MLLT10: variants seen among roughly 807,000 people sequenced by gnomAD.
MLLT10 encodes the protein protein AF-10.
A neutral mutation model predicts 129.1 loss-of-function variants in MLLT10; 30 were observed. That is an observed-to-expected ratio of 0.23 (90% CI 0.17 to 0.32). The LOEUF is 0.32. Ranked by LOEUF, MLLT10 falls within the 10% of genes least tolerant of loss-of-function variation. The pLI is 1.00. For missense variants in MLLT10, 1,119 were observed against 1,268.3 expected (o/e 0.88, Z 1.79); for synonymous variants, 490 against 446.4 (o/e 1.10, Z -1.23).
chr10:21,658,725 T>G (rs1033094130), intron 9 of MLLT10, among the ~76,000 whole-genome samples: 2 of 152,136 alleles, frequency 1.3e-5, no homozygotes, highest in Non-Finnish European at 2.9e-5. Flanking sequence ...AGTGCAGTGG[T>G]GCAATCTTGG....
rs750799982 is a variant in MLLT10 at position 21,651,658 on chromosome 10, T to TG, written c.700-15_700-14insG. 13 of 1,592,476 alleles carry TG rather than the reference T, an allele frequency of 8.2e-6. No homozygotes were observed. The East Asian group carries it at 2.9e-4, about 36-fold the overall frequency. ...AGTTAAATTAAAATTGGATTTTACT[T>TG]ATATTCGTTTTTAGAAATATAAAGA... is the stretch of plus-strand genomic sequence containing the variant. On this transcript the variant is annotated splice_polypyrimidine_tract_variant and intron_variant, in intron 8 of 22. Transcript: ENST00000307729.
chr10:21,680,636 G>A (rs2052638993), intron 11 of MLLT10, among the ~76,000 whole-genome samples: 1 of 152,050 alleles, frequency 6.6e-6, no homozygotes, highest in Non-Finnish European at 1.5e-5. Context: ...ATTTCCATGT[G>A]AAAATAGTAT....
At chr10:21,698,167 A>G (rs1336465548) in intron 13 of MLLT10, among the ~76,000 whole-genome samples, 5 of 152,162 alleles carry the variant, frequency 3.3e-5, no homozygotes, top group African/African-American at 4.8e-5. Context: ...TACTTATTCT[A>G]TCTAACTGTA....
At chr10:21,638,084 G>A (rs1274153296) in intron 8 of MLLT10, among the ~76,000 whole-genome samples, 3 of 151,112 alleles carry the variant, frequency 2.0e-5, no homozygotes, top group Non-Finnish European at 4.4e-5. Context: ...TGTCTCATTA[G>A]CATTTCTACG....
intron 3 of MLLT10, chr10:21,556,706 C>T: frequency 6.2e-7 from 1 of 1,612,536 alleles, no homozygotes. Context: ...CATAGAACAT[C>T]ACTGCGCATG....
chr10:21,611,868 G>A (rs2044689521), intron 5 of MLLT10, among the ~76,000 whole-genome samples: 1 of 152,134 alleles, frequency 6.6e-6, no homozygotes, highest in Non-Finnish European at 1.5e-5. Flanking sequence ...GGAAATGAAT[G>A]ACCTAAACGT....
chr10:21,735,092 G>A (rs747405734), intron 20 of MLLT10, 47 bp from the exon 21 acceptor site: 1 of 1,342,600 alleles, frequency 7.4e-7, no homozygotes, highest in East Asian at 2.3e-5. Context: ...TTCTAAAAAT[G>A]CATTAGAGGT....
intron 9 of MLLT10, among the ~76,000 whole-genome samples, chr10:21,667,146 C>T (rs1332883418): frequency 6.6e-6 from 1 of 151,912 alleles, no homozygotes; most frequent in Non-Finnish European, 1.5e-5. Context: ...CTCCTGTTTT[C>T]TAGATCGAAT....
chr10:21,657,001 G>A (rs2049656135), intron 9 of MLLT10, among the ~76,000 whole-genome samples: 1 of 152,162 alleles, frequency 6.6e-6, no homozygotes. Flanking sequence ...TTTTAGGAAA[G>A]TGTGGTTACT....
Position 21,740,073 on chromosome 10 carries a change from A to G in MLLT10, c.2999A>G (p.His1000Arg). Residue 1000 changes from histidine to arginine, a missense_variant, in exon 22 of 23, where the codon CAC becomes CGC. Transcript: ENST00000307729. ...TTGTATCAGTTAATGCAACATCACC[A>G]CCAGCAGCACCACCAACCTGAACTT... Reference protein sequence around the residue: ...AFLYQLMQHHHQQHHQPELQQ... With the variant: ...AFLYQLMQHHRQQHHQPELQQ... 1 of 1,613,716 alleles carries G rather than the reference A, an allele frequency of 6.2e-7. No individual in the cohort carries two copies. The highest frequency in any genetic ancestry group is 8.5e-7 in the Non-Finnish European group (1 of 1,179,848).
At chr10:21,692,722 A>T (rs934516456) in intron 13 of MLLT10, among the ~76,000 whole-genome samples, 1 of 150,886 alleles carries the variant, frequency 6.6e-6, no homozygotes, top group African/African-American at 2.4e-5. Context: ...ACTGAGCTCA[A>T]GTGATCCTCC....
At chr10:21,681,298 C>G in intron 11 of MLLT10, 34 bp from the exon 12 acceptor site, 1 of 1,611,310 alleles carries the variant, frequency 6.2e-7, no homozygotes, top group African/African-American at 1.3e-5. Context: ...CTGGCAATTT[C>G]TTCACTGATT....
chr10:21,577,132 T>C (rs538957064), intron 3 of MLLT10, among the ~76,000 whole-genome samples: 69 of 152,340 alleles, frequency 4.5e-4, no homozygotes, highest in African/African-American at 1.6e-3. Context: ...TGATATATGG[T>C]GTATTGTGAG....
At chr10:21,556,125 G>C (rs549197560) in intron 3 of MLLT10, among the ~76,000 whole-genome samples, 1 of 151,756 alleles carries the variant, frequency 6.6e-6, no homozygotes, top group Admixed American at 6.6e-5. Flanking sequence ...ACAGGCATGC[G>C]CCACCACACC....
At position 21,625,133 on chromosome 10, in the gene MLLT10, C is replaced by T. The variant is rs150230701; in HGVS notation, c.699+7926C>T. 87 of 1,051,462 alleles carry T rather than the reference C, an allele frequency of 8.3e-5. No individual in the cohort carries two copies. In the East Asian group the frequency reaches 1.4e-3, roughly 17 times the overall value. 65.1% of individuals were successfully genotyped at this position (1,051,462 alleles called of 1,614,324 possible). A position where few individuals can be genotyped will look rare whatever the true frequency, so the allele number is the denominator to read the frequency against. On this transcript the variant is annotated intron_variant, in intron 8 of 22. Transcript: ENST00000307729. ...ATCCACCTCTCCCCCAACCTCTAAT[C>T]GGAAGCGGCATGCGAGGAGGAGGGT...
At chr10:21,618,406 GGCA>G (rs1230019616) in intron 8 of MLLT10, among the ~76,000 whole-genome samples, 1 of 151,888 alleles carries the variant, frequency 6.6e-6, no homozygotes, top group East Asian at 2.0e-4. Flanking sequence ...AGGAGGTTAA[GGCA>G]GGAGAATCAC....
At chr10:21,606,298 A>C (rs1259443980) in intron 5 of MLLT10, among the ~76,000 whole-genome samples, 1 of 152,216 alleles carries the variant, frequency 6.6e-6, no homozygotes, top group Non-Finnish European at 1.5e-5. Context: ...GAAGATGTAC[A>C]AGAAAATGTT....
intron 13 of MLLT10, among the ~76,000 whole-genome samples, chr10:21,686,269 C>G (rs1287630209): frequency 1.3e-5 from 2 of 152,140 alleles, no homozygotes; most frequent in African/African-American, 2.4e-5. Flanking sequence ...ATATAGTATT[C>G]TTTAAGATAT....
At position 21,617,168 on chromosome 10, in the gene MLLT10, C is replaced by T. The variant is rs1345377580; in HGVS notation, c.660C>T (p.Ser220=). The change falls in exon 8 of 23, where the codon TCC becomes TCT. Residue 220 remains serine, a synonymous_variant. Transcript: ENST00000307729. ...ATGATCAAAGTTTAAGTGATTCTTC[C>T]TCTCACTCTCAGGATAAACATCATG... ...RSYDQSLSDS[S]SHSQDKHHEK... 1.3e-6 allele frequency: 2 copies of T among 1,539,652 alleles called. No individual in the cohort carries two copies. Among genetic ancestry groups the T allele is most frequent in the Non-Finnish European group, 1.8e-6 (2 of 1,139,880 alleles).
Sources: gnomAD v4.1 joint callset for allele counts (sites outside exome capture counted in the v4.1 genomes callset) on GRCh38, gnomAD v4.1.1 for gene constraint, MANE v1.5 for transcripts, NCBI Gene and HGNC (gene_info 2026-07-23, HGNC 2026-07-21) for gene names.